ANO2: variants seen among roughly 807,000 people sequenced by gnomAD.
The protein encoded by ANO2 is anoctamin-2.
ANO2 carries 101 observed loss-of-function variants against 124.2 expected under a neutral mutation model. That is an observed-to-expected ratio of 0.81 (90% CI 0.69 to 0.96). The LOEUF is 0.96. Ranked by LOEUF, ANO2 falls within the 40% of genes least tolerant of loss-of-function variation. The pLI is 0.00. For synonymous variants in ANO2, 486 were observed against 482.5 expected (o/e 1.01, Z -0.09); for missense variants, 1,293 against 1,274.5 (o/e 1.01, Z -0.22).
At chr12:5,775,548 G>A (rs555349536) in intron 10 of ANO2, among the ~76,000 whole-genome samples, 147 of 146,460 alleles carry the variant, frequency 1.0e-3, no homozygotes, top group African/African-American at 3.1e-3. Flanking sequence ...TGCAAGCTCC[G>A]CCTCCCAGGT....
intron 14 of ANO2, among the ~76,000 whole-genome samples, chr12:5,702,318 T>G (rs1949434878): frequency 6.6e-6 from 1 of 152,008 alleles, no homozygotes; most frequent in Non-Finnish European, 1.5e-5. Flanking sequence ...ACAAGTAAAT[T>G]CCATTAAAAA....
intron 14 of ANO2, among the ~76,000 whole-genome samples, chr12:5,704,243 C>A (rs371134294): frequency 1.1e-3 from 163 of 152,246 alleles, no homozygotes; most frequent in African/African-American, 3.8e-3. Context: ...GGAACCCTCA[C>A]GACTCCTGCA....
intron 14 of ANO2, among the ~76,000 whole-genome samples, chr12:5,660,606 T>C (rs556084407): frequency 1.3e-5 from 2 of 151,920 alleles, no homozygotes; most frequent in East Asian, 1.9e-4. Flanking sequence ...ACAGCACTTA[T>C]TGCTATCCAA....
At chr12:5,588,172 CGGGGG>C (rs1313609652) in intron 20 of ANO2, among the ~76,000 whole-genome samples, 9 of 151,464 alleles carry the variant, frequency 5.9e-5, no homozygotes, top group African/African-American at 2.2e-4. Flanking sequence ...CCTTCTGGAA[CGGGGG>C]AGGTCTAGCC....
At chr12:5,759,648 A>C (rs996941205) in intron 10 of ANO2, among the ~76,000 whole-genome samples, 1 of 149,892 alleles carries the variant, frequency 6.7e-6, no homozygotes, top group Non-Finnish European at 1.5e-5. Context: ...CTAATGCCTG[A>C]TGATCTGAGG....
At chr12:5,817,962 T>C (rs1246421203) in intron 7 of ANO2, among the ~76,000 whole-genome samples, 1 of 151,824 alleles carries the variant, frequency 6.6e-6, no homozygotes, top group East Asian at 1.9e-4. Context: ...AGGAGAGCAG[T>C]TGAGTAGGTC....
intron 17 of ANO2, among the ~76,000 whole-genome samples, chr12:5,614,265 C>T (rs886553576): frequency 2.6e-5 from 4 of 152,164 alleles, no homozygotes; most frequent in African/African-American, 9.7e-5. Context: ...TGGAATTTCC[C>T]TCCATAGGAG....
rs186317699 is a variant in ANO2 at position 5,802,152 on chromosome 12, C to T, written c.991-2581G>A. On this transcript the variant is annotated intron_variant, in intron 9 of 24. Transcript: ENST00000682330. ...AAATGTCCCAGGAACCCTGTATGGC[C>T]TCAACGGAGAGCTGACCTCAGAAGC... Among the ~76,000 whole-genome samples the T allele has an allele frequency of 6.6e-5, 10 of 152,318 alleles. No homozygotes were observed. In the East Asian group the frequency reaches 1.9e-3, roughly 29 times the overall value.
At chr12:5,694,251 CAGAGAGAG>C (rs5796182) in intron 14 of ANO2, among the ~76,000 whole-genome samples, 5 of 133,968 alleles carry the variant, frequency 3.7e-5, no homozygotes, top group East Asian at 2.2e-4. Context: ...TTACCAGAGA[CAGAGAGAG>C]AGAGAGAGAG....
chr12:5,923,254 A>G (rs896766824), intron 1 of ANO2, among the ~76,000 whole-genome samples: 3 of 69,608 alleles, frequency 4.3e-5, no homozygotes, highest in African/African-American at 2.0e-4. Context: ...GCATACACAC[A>G]CATACACACA....
intron 10 of ANO2, among the ~76,000 whole-genome samples, chr12:5,765,634 C>T (rs761617842): frequency 3.9e-5 from 6 of 152,194 alleles, no homozygotes; most frequent in South Asian, 2.1e-4. Context: ...TTTAAAACCA[C>T]GTTAATGTGA....
Position 5,894,868 on chromosome 12 carries a change from A to G in ANO2, c.534+26172T>C, listed in dbSNP as rs554171096. 5.4e-3 allele frequency among the ~76,000 whole-genome samples: 826 copies of G among 152,160 alleles called. 6 individuals are homozygous for G. The highest frequency in any genetic ancestry group is 0.019 in the African/African-American group (802 of 41,528). On this transcript the variant is annotated intron_variant, in intron 3 of 24. Transcript: ENST00000682330. ...GGTCTATATATCTGTTTTGGTACCAATACCATGCTGTTTTGGTTCCTGTAG... is the reference window on the plus strand; with the variant it reads ...GGTCTATATATCTGTTTTGGTACCAGTACCATGCTGTTTTGGTTCCTGTAG...
chr12:5,733,621 C>A (rs566689966), intron 13 of ANO2, among the ~76,000 whole-genome samples: 1 of 152,330 alleles, frequency 6.6e-6, no homozygotes, highest in South Asian at 2.1e-4. Context: ...ACGGGCCAGG[C>A]TTTTGACCTG....
chr12:5,742,104 C>T (rs972703944), intron 12 of ANO2, among the ~76,000 whole-genome samples: 4 of 152,114 alleles, frequency 2.6e-5, no homozygotes, highest in Non-Finnish European at 5.9e-5. Context: ...TGACTAGTAT[C>T]CCCCAAGACC....
intron 14 of ANO2, among the ~76,000 whole-genome samples, chr12:5,683,027 CA>C (rs1490572312): frequency 3.3e-5 from 5 of 152,172 alleles, no homozygotes; most frequent in African/African-American, 1.2e-4. Flanking sequence ...ATGATGTCAC[CA>C]AAACCCCAAG....
chr12:5,710,270 A>G (rs936212047), intron 14 of ANO2, among the ~76,000 whole-genome samples: 18 of 152,324 alleles, frequency 1.2e-4, no homozygotes, highest in African/African-American at 4.3e-4. Flanking sequence ...GTGTATTCAG[A>G]TCTACAAAGA....
At chr12:5,677,053 C>CA (rs1181870675) in intron 14 of ANO2, among the ~76,000 whole-genome samples, 1 of 148,494 alleles carries the variant, frequency 6.7e-6, no homozygotes, top group Non-Finnish European at 1.5e-5. Context: ...GACTCTGTCT[C>CA]AAAAAATAAA....
chr12:5,844,070 AAGG>A (rs1267534490), intron 4 of ANO2, among the ~76,000 whole-genome samples: 2 of 152,218 alleles, frequency 1.3e-5, no homozygotes, highest in Non-Finnish European at 1.5e-5. Flanking sequence ...AAGGTCTATG[AAGG>A]AGGTGAGATT....
chr12:5,839,012 G>C (rs555891457), intron 4 of ANO2, among the ~76,000 whole-genome samples: 2 of 152,318 alleles, frequency 1.3e-5, no homozygotes, highest in Non-Finnish European at 2.9e-5. Context: ...TTACTCTCCT[G>C]CCTAAAACAA....
Sources: gnomAD v4.1 joint callset for allele counts (sites outside exome capture counted in the v4.1 genomes callset) on GRCh38, gnomAD v4.1.1 for gene constraint, MANE v1.5 for transcripts, NCBI Gene and HGNC (gene_info 2026-07-23, HGNC 2026-07-21) for gene names.